The following ARHGAP26 variants were observed in gnomAD, a reference collection of about 807,000 sequenced individuals.
ARHGAP26 encodes the protein rho GTPase-activating protein 26.
ARHGAP26 carries 38 observed loss-of-function variants against 104.8 expected under a neutral mutation model. The ratio of observed to expected loss-of-function variants is 0.36; its 90% CI spans 0.28 to 0.48. ARHGAP26 has a LOEUF of 0.48. Ranked by LOEUF, ARHGAP26 falls within the 20% of genes least tolerant of loss-of-function variation. The pLI, the probability that ARHGAP26 is intolerant of heterozygous loss-of-function variation, is 0.99. For missense variants in ARHGAP26, 704 were observed against 947.9 expected, an observed-to-expected ratio of 0.74 and a Z score of 3.38; for synonymous variants, 341 against 340.0, an observed-to-expected ratio of 1.00 and a Z score of -0.03.
At chr5:142,780,785 C>T (rs546754570) in intron 1 of ARHGAP26, among the ~76,000 whole-genome samples, 46 of 152,208 alleles carry the variant, frequency 3.0e-4, no homozygotes, top group African/African-American at 1.2e-4. Context: ...CTTCTGTGAC[C>T]GGAGACCGTG....
intron 1 of ARHGAP26, among the ~76,000 whole-genome samples, chr5:142,846,205 T>C (rs1771911666): frequency 6.6e-6 from 1 of 152,212 alleles, no homozygotes; most frequent in Non-Finnish European, 1.5e-5. Flanking sequence ...GTGTATTACC[T>C]GTTGGGCCAC....
chr5:143,144,743 T>C (rs1283498789), intron 19 of ARHGAP26, among the ~76,000 whole-genome samples: 1 of 152,246 alleles, frequency 6.6e-6, no homozygotes, highest in Non-Finnish European at 1.5e-5. Context: ...CTCCAAATGC[T>C]GTAAAATTTG....
At chr5:142,837,381 C>T (rs1404224533) in intron 1 of ARHGAP26, among the ~76,000 whole-genome samples, 1 of 152,036 alleles carries the variant, frequency 6.6e-6, no homozygotes, top group Non-Finnish European at 1.5e-5. Context: ...CTCTGACCAG[C>T]CTTAGTGCTT....
At chr5:142,961,610 G>A (rs1277528190) in intron 11 of ARHGAP26, among the ~76,000 whole-genome samples, 1 of 152,206 alleles carries the variant, frequency 6.6e-6, no homozygotes, top group Non-Finnish European at 1.5e-5. Context: ...CCTGACCTAT[G>A]GGTATTACTG....
chr5:143,002,240 A>G (rs889351192), intron 11 of ARHGAP26, among the ~76,000 whole-genome samples: 90 of 152,334 alleles, frequency 5.9e-4, no homozygotes, highest in African/African-American at 2.0e-3. Flanking sequence ...CTTGGGCAGC[A>G]GAAGAGCCTT....
intron 5 of ARHGAP26, among the ~76,000 whole-genome samples, chr5:142,886,984 T>C (rs1757800626): frequency 6.6e-6 from 1 of 152,232 alleles, no homozygotes; most frequent in Non-Finnish European, 1.5e-5. Context: ...TCTAAGCAGG[T>C]ATAAATTATG....
At chr5:143,170,829 A>T (rs140168335) in intron 20 of ARHGAP26, among the ~76,000 whole-genome samples, 283 of 152,288 alleles carry the variant, frequency 1.9e-3, no homozygotes, top group African/African-American at 6.5e-3. Context: ...TTGGCAAGCT[A>T]CAGAAGCTGG....
At chr5:142,992,002 A>G (rs1775690918) in intron 11 of ARHGAP26, among the ~76,000 whole-genome samples, 1 of 152,246 alleles carries the variant, frequency 6.6e-6, no homozygotes, top group Non-Finnish European at 1.5e-5. Context: ...CCAAAGTTTA[A>G]GAAAATTCTT....
At chr5:143,173,985 A>C (rs1803135125) in intron 20 of ARHGAP26, among the ~76,000 whole-genome samples, 1 of 152,238 alleles carries the variant, frequency 6.6e-6, no homozygotes, top group South Asian at 2.1e-4. Flanking sequence ...GGCAGCATCA[A>C]AACAGAGAAG....
At chr5:142,940,112 A>G (rs933949645) in intron 11 of ARHGAP26, among the ~76,000 whole-genome samples, 9 of 152,210 alleles carry the variant, frequency 5.9e-5, no homozygotes, top group African/African-American at 2.2e-4. Flanking sequence ...CTCCTTTGCT[A>G]TGATGCATCC....
intron 18 of ARHGAP26, among the ~76,000 whole-genome samples, chr5:143,122,487 T>C (rs56376127): frequency 1.3e-5 from 2 of 152,338 alleles, no homozygotes; most frequent in Non-Finnish European, 2.9e-5. Context: ...TTCCACTTAG[T>C]CTGTTTTCAT....
chr5:143,195,465 A>C (rs990978540), intron 20 of ARHGAP26, among the ~76,000 whole-genome samples: 1 of 152,208 alleles, frequency 6.6e-6, no homozygotes, highest in African/African-American at 2.4e-5. Flanking sequence ...ACCATACAGG[A>C]AAGTATGCCA....
intron 1 of ARHGAP26, among the ~76,000 whole-genome samples, chr5:142,808,367 C>T (rs190577367): frequency 1.5e-3 from 217 of 149,522 alleles, no homozygotes; most frequent in Non-Finnish European, 2.8e-3. Flanking sequence ...GGGGAAATCC[C>T]AATCATCTAA....
intron 17 of ARHGAP26, among the ~76,000 whole-genome samples, chr5:143,108,111 G>T (rs1482704417): frequency 2.0e-5 from 3 of 152,202 alleles, no homozygotes; most frequent in Admixed American, 6.5e-5. Context: ...GAAATTTTAG[G>T]AGATAATGAT....
chr5:143,079,419 T>A (rs1789496263), intron 17 of ARHGAP26, among the ~76,000 whole-genome samples: 1 of 152,218 alleles, frequency 6.6e-6, no homozygotes, highest in African/African-American at 2.4e-5. Flanking sequence ...TTGGTCTTTG[T>A]AGTCGGCACG....
chr5:142,938,727 G>A (rs1041312492), intron 11 of ARHGAP26, among the ~76,000 whole-genome samples: 1 of 152,174 alleles, frequency 6.6e-6, no homozygotes, highest in African/African-American at 2.4e-5. Context: ...CAGGGCTTGC[G>A]TAGCCTCTTA....
intron 20 of ARHGAP26, among the ~76,000 whole-genome samples, chr5:143,184,301 C>T (rs529068710): frequency 6.6e-6 from 1 of 152,258 alleles, no homozygotes; most frequent in African/African-American, 2.4e-5. Context: ...TTCAGGCCTC[C>T]CCCTAACCTG....
chr5:142,775,794 C>T (rs1395059957), intron 1 of ARHGAP26, among the ~76,000 whole-genome samples: 1 of 152,192 alleles, frequency 6.6e-6, no homozygotes. Context: ...ATGTTAATAG[C>T]ATGTGTTAGG....
intron 11 of ARHGAP26, among the ~76,000 whole-genome samples, chr5:143,012,576 T>TATATATATATATATATATATATATATA (rs1554195628): frequency 7.5e-4 from 43 of 57,022 alleles, no homozygotes; most frequent in East Asian, 1.1e-3. Context: ...TATATATATA[T>TATATATATATATATATATATATATATA]TATGATCAGG....
Sources: gnomAD v4.1 joint callset for allele counts (sites outside exome capture counted in the v4.1 genomes callset) on GRCh38, gnomAD v4.1.1 for gene constraint, MANE v1.5 for transcripts, NCBI Gene and HGNC (gene_info 2026-07-23, HGNC 2026-07-21) for gene names.